Variants in USP34 observed in about 807,000 individuals in gnomAD.
The protein encoded by USP34 is ubiquitin specific peptidase 34, also known as ubiquitin carboxyl-terminal hydrolase 34.
In USP34, 70 loss-of-function variants were observed where a neutral mutation model predicts 460.3. The ratio of observed to expected loss-of-function variants is 0.15; its 90% confidence interval spans 0.13 to 0.19. The LOEUF is 0.19. Ranked by LOEUF, USP34 falls within the 10% of genes least tolerant of loss-of-function variation. USP34 has a pLI of 1.00. For synonymous variants in USP34, 1,647 were observed against 1,405.3 expected (o/e 1.17, Z -3.85); for missense variants, 3,985 against 4,236.2 (o/e 0.94, Z 1.65).
chr2:61,272,333 C>T (rs1689239771), intron 41 of USP34, among the ~76,000 whole-genome samples: 2 of 151,180 alleles, frequency 1.3e-5, no homozygotes, highest in Non-Finnish European at 2.9e-5. Context: ...ATGGTGTGAA[C>T]CTGGGAGGCA....
At chr2:61,374,868 C>T (rs1692743780) in intron 8 of USP34, among the ~76,000 whole-genome samples, 1 of 152,328 alleles carries the variant, frequency 6.6e-6, no homozygotes, top group Non-Finnish European at 1.5e-5. Context: ...TGCACTCAGT[C>T]TCCTACTTTC....
intron 18 of USP34, among the ~76,000 whole-genome samples, chr2:61,334,595 A>G (rs1452535573): frequency 6.6e-6 from 1 of 152,146 alleles, no homozygotes; most frequent in Non-Finnish European, 1.5e-5. Flanking sequence ...TCATGAAAAA[A>G]TTTTTCACAA....
At chr2:61,310,184 A>G (rs779823960) in intron 27 of USP34, among the ~76,000 whole-genome samples, 1 of 152,018 alleles carries the variant, frequency 6.6e-6, no homozygotes, top group Non-Finnish European at 1.5e-5. Flanking sequence ...ATTTTCATAC[A>G]CTCTACGCAC....
intron 23 of USP34, 37 bp from the exon 24 acceptor site, chr2:61,315,011 T>G (rs1459581931): frequency 1.3e-6 from 2 of 1,534,320 alleles, no homozygotes; most frequent in East Asian, 2.3e-5. Flanking sequence ...AAATTTTGTT[T>G]GTCAAACTAT....
At chr2:61,452,683 A>C (rs1279431158) in intron 1 of USP34, among the ~76,000 whole-genome samples, 1 of 151,724 alleles carries the variant, frequency 6.6e-6, no homozygotes, top group Non-Finnish European at 1.5e-5. Context: ...CAGGAGTTCG[A>C]GACCCACCTG....
At chr2:61,292,132 C>A (rs1187468963) in intron 33 of USP34, among the ~76,000 whole-genome samples, 1 of 151,974 alleles carries the variant, frequency 6.6e-6, no homozygotes, top group Non-Finnish European at 1.5e-5. Context: ...AGTCCCACAA[C>A]TTTGTGAATA....
intron 41 of USP34, among the ~76,000 whole-genome samples, chr2:61,277,535 C>A (rs550340261): frequency 6.6e-6 from 1 of 152,264 alleles, no homozygotes; most frequent in South Asian, 2.1e-4. Flanking sequence ...CCGTGCCCAG[C>A]CTTAGGTTAC....
At chr2:61,219,877 GA>G (rs1687508731) in intron 67 of USP34, among the ~76,000 whole-genome samples, 1 of 151,646 alleles carries the variant, frequency 6.6e-6, no homozygotes. Context: ...AAATATTTTT[GA>G]TATGTGTCTA....
At chr2:61,411,758 C>T (rs1285920074) in intron 2 of USP34, among the ~76,000 whole-genome samples, 1 of 152,166 alleles carries the variant, frequency 6.6e-6, no homozygotes, top group Non-Finnish European at 1.5e-5. Context: ...ACAGTAGTGG[C>T]CAACATCTGA....
intron 39 of USP34, among the ~76,000 whole-genome samples, chr2:61,279,620 T>G (rs1329990314): frequency 6.6e-6 from 1 of 152,100 alleles, no homozygotes; most frequent in Non-Finnish European, 1.5e-5. Context: ...CACCTGTGAC[T>G]ATGCCCAGCT....
intron 5 of USP34, among the ~76,000 whole-genome samples, chr2:61,392,012 G>C (rs1010216025): frequency 2.0e-5 from 3 of 152,126 alleles, no homozygotes; most frequent in African/African-American, 4.8e-5. Flanking sequence ...CAGTTGAGTT[G>C]CAAGATAAAG....
intron 27 of USP34, among the ~76,000 whole-genome samples, chr2:61,306,558 T>G (rs1045123751): frequency 1.3e-5 from 2 of 152,184 alleles, no homozygotes; most frequent in Non-Finnish European, 2.9e-5. Context: ...TGCGGGCCCT[T>G]TTTTGGTTTC....
intron 40 of USP34, 50 bp downstream of exon 40, chr2:61,278,338 C>G: frequency 6.2e-7 from 1 of 1,609,046 alleles, no homozygotes; most frequent in Non-Finnish European, 8.5e-7. Flanking sequence ...ATAATTATGT[C>G]TTTTATCTTT....
At chr2:61,268,773 G>C (rs1222946871) in intron 41 of USP34, among the ~76,000 whole-genome samples, 1 of 152,108 alleles carries the variant, frequency 6.6e-6, no homozygotes, top group Non-Finnish European at 1.5e-5. Context: ...AATAGGAAGA[G>C]AGAATTAATG....
At chr2:61,386,797 C>G (rs140379281) in intron 5 of USP34, among the ~76,000 whole-genome samples, 120 of 151,882 alleles carry the variant, frequency 7.9e-4, no homozygotes, top group African/African-American at 2.8e-3. Context: ...TAAAAAGAAA[C>G]AAACAAAAAA....
At chr2:61,356,011 C>A (rs890507177) in intron 10 of USP34, among the ~76,000 whole-genome samples, 6 of 151,948 alleles carry the variant, frequency 3.9e-5, no homozygotes, top group African/African-American at 1.4e-4. Flanking sequence ...CAGAAAAAAA[C>A]AAATGGAATT....
At chr2:61,461,008 G>A (rs568832661) in intron 1 of USP34, among the ~76,000 whole-genome samples, 1 of 151,310 alleles carries the variant, frequency 6.6e-6, no homozygotes, top group East Asian at 2.0e-4. Context: ...AAAAAAACAG[G>A]TAAAGGTGAG....
intron 62 of USP34, chr2:61,226,833 A>C (rs1294037139): frequency 6.9e-6 from 3 of 437,398 alleles, no homozygotes; most frequent in Non-Finnish European, 1.2e-5. Flanking sequence ...ACTATTTCTA[A>C]CACGACTCAT....
intron 33 of USP34, among the ~76,000 whole-genome samples, chr2:61,289,666 A>AAG (rs1689790362): frequency 6.6e-6 from 1 of 152,150 alleles, no homozygotes; most frequent in Non-Finnish European, 1.5e-5. Flanking sequence ...ACTGAACCGA[A>AAG]AGAAAGACAG....
Sources: allele counts gnomAD v4.1 joint callset (sites outside exome capture counted in the v4.1 genomes callset), GRCh38; gene constraint gnomAD v4.1.1; transcripts MANE v1.5; gene names NCBI Gene and HGNC (gene_info 2026-07-23, HGNC 2026-07-21).